LHFPL3: variants seen among roughly 807,000 people sequenced by gnomAD.
LHFPL3 encodes LHFPL tetraspan subfamily member 3 protein.
In LHFPL3, 5 loss-of-function variants were observed where a neutral mutation model predicts 19.3. That is an observed-to-expected ratio of 0.26 (90% CI 0.14 to 0.54). LHFPL3 has a LOEUF of 0.54. LHFPL3 is among the 20% of genes least tolerant of loss of function. The probability of loss-of-function intolerance (pLI) is 0.94; values close to 1 mark genes in which losing one functional copy is unlikely to be tolerated. For missense variants in LHFPL3, 249 were observed against 307.4 expected (o/e 0.81, Z 1.42); for synonymous variants, 133 against 126.2 (o/e 1.05, Z -0.36).
At chr7:104,558,231 C>CTAGATCCCTGAGGAATCGCCACACTG (rs1468267246) in intron 1 of LHFPL3, among the ~76,000 whole-genome samples, 1 of 151,612 alleles carries the variant, frequency 6.6e-6, no homozygotes, top group Non-Finnish European at 1.5e-5. Context: ...ATTTCCAGTT[C>CTAGATCCCTGAGGAATCGCCACACTG]TAGATCCCTG....
intron 1 of LHFPL3, among the ~76,000 whole-genome samples, chr7:104,631,435 A>G (rs1342464421): frequency 6.6e-6 from 1 of 152,098 alleles, no homozygotes; most frequent in African/African-American, 2.4e-5. Flanking sequence ...GTCAAAACTG[A>G]TGTGATTATA....
At chr7:104,737,302 T>G (rs1222683817) in intron 2 of LHFPL3, among the ~76,000 whole-genome samples, 1 of 152,184 alleles carries the variant, frequency 6.6e-6, no homozygotes, top group Non-Finnish European at 1.5e-5. Flanking sequence ...CAGGTTGAAA[T>G]AAATGCCTGG....
At chr7:104,903,116 A>G (rs1403095999) in intron 2 of LHFPL3, among the ~76,000 whole-genome samples, 1 of 151,902 alleles carries the variant, frequency 6.6e-6, no homozygotes, top group East Asian at 1.9e-4. Context: ...TCCTTCCAAC[A>G]CTCACTGCTC....
In LHFPL3 at chr7:104,498,725, A is replaced by G. The variant is rs536583027; in HGVS notation, c.445+169501A>G. On this transcript the variant is annotated intron_variant, in intron 1 of 2. Coordinates refer to ENST00000424859, the MANE Select transcript of LHFPL3 (RefSeq NM_199000.3). ...ACTCCTGACCTCAAGCGATCTGCCC[A>G]CCTCTGCCTTCCAAAGTGTTGGGAT... Among the ~76,000 whole-genome samples, 11 of 152,080 alleles carry G rather than the reference A, an allele frequency of 7.2e-5. No individual in the cohort carries two copies. The South Asian group carries it at 2.1e-3, about 29-fold the overall frequency.
chr7:104,585,558 G>T (rs1790557984), intron 1 of LHFPL3, among the ~76,000 whole-genome samples: 1 of 147,718 alleles, frequency 6.8e-6, no homozygotes, highest in African/African-American at 2.5e-5. Context: ...GAGAACAGAA[G>T]CCTTTGCATG....
At chr7:104,597,188 G>A (rs535268796) in intron 1 of LHFPL3, among the ~76,000 whole-genome samples, 12 of 152,302 alleles carry the variant, frequency 7.9e-5, no homozygotes, top group African/African-American at 2.2e-4. Flanking sequence ...GTTTGAATAT[G>A]TAGCATGTTA....
chr7:104,484,350 C>T (rs575700541), intron 1 of LHFPL3, among the ~76,000 whole-genome samples: 2 of 152,166 alleles, frequency 1.3e-5, no homozygotes, highest in Non-Finnish European at 2.9e-5. Flanking sequence ...AAAGAAACAC[C>T]TTCCATCCCC....
intron 1 of LHFPL3, among the ~76,000 whole-genome samples, chr7:104,430,711 G>T (rs896930613): frequency 1.3e-5 from 2 of 150,814 alleles, no homozygotes; most frequent in African/African-American, 4.9e-5. Flanking sequence ...CTCATGATCC[G>T]CCCACCTCGG....
At chr7:104,674,089 AT>A (rs34190904) in intron 1 of LHFPL3, among the ~76,000 whole-genome samples, 82,512 of 139,580 alleles carry the variant, frequency 0.59, 23,574 homozygotes, top group South Asian at 0.67. Flanking sequence ...TTGCTGCATG[AT>A]TTTTTTTTTT....
intron 1 of LHFPL3, among the ~76,000 whole-genome samples, chr7:104,525,132 T>C (rs1380720883): frequency 6.6e-6 from 1 of 152,202 alleles, no homozygotes; most frequent in African/African-American, 2.4e-5. Context: ...AGCTCCTCAA[T>C]GTGTATCACA....
intron 2 of LHFPL3, among the ~76,000 whole-genome samples, chr7:104,770,505 A>T (rs1794532553): frequency 1.3e-5 from 2 of 152,248 alleles, no homozygotes; most frequent in South Asian, 4.1e-4. Context: ...ATAATTTTTC[A>T]TGTACACACA....
intron 1 of LHFPL3, among the ~76,000 whole-genome samples, chr7:104,690,949 C>T (rs1792895588): frequency 2.0e-5 from 3 of 152,190 alleles, no homozygotes; most frequent in African/African-American, 7.2e-5. Context: ...GATGGGGATG[C>T]TGTGTAAAGC....
intron 2 of LHFPL3, among the ~76,000 whole-genome samples, chr7:104,860,180 A>C (rs1221314966): frequency 1.5e-5 from 1 of 65,266 alleles, no homozygotes; most frequent in East Asian, 3.0e-4. Context: ...ACACCCACCC[A>C]CACACACACA....
At chr7:104,574,859 A>T (rs1345500196) in intron 1 of LHFPL3, among the ~76,000 whole-genome samples, 2 of 152,160 alleles carry the variant, frequency 1.3e-5, no homozygotes, top group Non-Finnish European at 2.9e-5. Flanking sequence ...GCAGAACTGG[A>T]GTTAAAGAAG....
chr7:104,807,150 G>A (rs557185139), intron 2 of LHFPL3, among the ~76,000 whole-genome samples: 1 of 151,970 alleles, frequency 6.6e-6, no homozygotes, highest in Non-Finnish European at 1.5e-5. Flanking sequence ...CATGAGGGTG[G>A]GCCTCAGTCT....
chr7:104,396,706 C>G (rs1435413838), intron 1 of LHFPL3, among the ~76,000 whole-genome samples: 1 of 151,918 alleles, frequency 6.6e-6, no homozygotes, highest in Non-Finnish European at 1.5e-5. Flanking sequence ...CATGTCATCC[C>G]TGCACTTTAG....
At chr7:104,620,510 A>G (rs1193107752) in intron 1 of LHFPL3, among the ~76,000 whole-genome samples, 2 of 152,186 alleles carry the variant, frequency 1.3e-5, no homozygotes, top group South Asian at 2.1e-4. Context: ...GATTCTTTGA[A>G]TGCTTTCATA....
At chr7:104,405,426 A>G (rs73403881) in intron 1 of LHFPL3, among the ~76,000 whole-genome samples, 6,262 of 152,308 alleles carry the variant, frequency 0.041, 444 homozygotes, top group African/African-American at 0.14. Context: ...GGCAAAGTAT[A>G]AATAAATTCA....
chr7:104,667,620 A>G lies in LHFPL3; in HGVS notation c.446-69055A>G. On this transcript the variant is annotated intron_variant, in intron 1 of 2. Transcript: ENST00000424859. ...CATAACTAATATTTGTTATCCATTTAGTGTACAACATTGAACTTGAAACAG... is the reference window on the plus strand; with the variant it reads ...CATAACTAATATTTGTTATCCATTTGGTGTACAACATTGAACTTGAAACAG... 4 of 682,788 alleles carry G rather than the reference A, an allele frequency of 5.9e-6. No individual in the cohort carries two copies. In the South Asian group the frequency reaches 7.7e-5, roughly 13 times the overall value. 42.3% of individuals were successfully genotyped at this position (682,788 alleles called of 1,614,324 possible).
Sources: allele counts gnomAD v4.1 joint callset (sites outside exome capture counted in the v4.1 genomes callset), GRCh38; gene constraint gnomAD v4.1.1; transcripts MANE v1.5; gene names NCBI Gene and HGNC (gene_info 2026-07-23, HGNC 2026-07-21).